The following RELN variants were observed in gnomAD, a reference collection of about 807,000 sequenced individuals.
RELN encodes the protein reelin.
Under a neutral mutation model 427.6 loss-of-function variants are expected in RELN, and 108 were observed. The ratio of observed to expected loss-of-function variants is 0.25; its 90% CI spans 0.22 to 0.30. RELN has a LOEUF of 0.30. Ranked by LOEUF, RELN falls within the 10% of genes least tolerant of loss-of-function variation. The pLI is 1.00. For missense variants in RELN, 3,715 were observed against 4,302.8 expected (o/e 0.86, Z 3.82); for synonymous variants, 1,524 against 1,513.4 (o/e 1.01, Z -0.16).
intron 16 of RELN, among the ~76,000 whole-genome samples, chr7:103,648,110 T>C (rs1832834836): frequency 6.6e-6 from 1 of 151,718 alleles, no homozygotes; most frequent in Non-Finnish European, 1.5e-5. Context: ...AGAAGAAAAC[T>C]GATATGGTTT....
At chr7:103,495,380 T>C (rs1046536976) in intron 57 of RELN, among the ~76,000 whole-genome samples, 1 of 152,078 alleles carries the variant, frequency 6.6e-6, no homozygotes, top group African/African-American at 2.4e-5. Context: ...CAGGCTAGTC[T>C]GGAGCTCCTG....
chr7:103,864,050 C>G (rs1192774704), intron 2 of RELN, among the ~76,000 whole-genome samples: 3 of 152,044 alleles, frequency 2.0e-5, no homozygotes, highest in African/African-American at 7.2e-5. Flanking sequence ...ACAGCAGATT[C>G]ACATCTTGCT....
At chr7:103,641,902 A>G (rs1241509265) in intron 16 of RELN, among the ~76,000 whole-genome samples, 2 of 152,166 alleles carry the variant, frequency 1.3e-5, no homozygotes, top group East Asian at 3.8e-4. Context: ...TCTAAGAGAT[A>G]GGGCACCCAT....
Position 103,682,979 on chromosome 7 carries a change from G to A in RELN, c.1144-718C>T, listed in dbSNP as rs532384979. 1.1e-4 allele frequency among the ~76,000 whole-genome samples: 17 copies of A among 152,136 alleles called. No individual in the cohort carries two copies. In the South Asian group the frequency reaches 3.3e-3, roughly 30 times the overall value. On this transcript the variant is annotated intron_variant, in intron 10 of 64. Transcript: ENST00000428762. ...AGAATAAAGGCAAGATCAAACTTTGGAGATAGTAAATGTTAGTTACTTTAA... is the reference window on the plus strand; with the variant it reads ...AGAATAAAGGCAAGATCAAACTTTGAAGATAGTAAATGTTAGTTACTTTAA...
chr7:103,726,106 A>G (rs1027364224), intron 7 of RELN, among the ~76,000 whole-genome samples: 1 of 152,238 alleles, frequency 6.6e-6, no homozygotes, highest in African/African-American at 2.4e-5. Context: ...ATTCAGTCAC[A>G]AAGTACCATG....
At chr7:103,622,426 T>C (rs1339338720) in intron 20 of RELN, among the ~76,000 whole-genome samples, 5 of 152,204 alleles carry the variant, frequency 3.3e-5, no homozygotes, top group African/African-American at 9.6e-5. Context: ...TACTGCTCCT[T>C]CTATTATCCT....
At chr7:103,604,830 T>C (rs193074150) in intron 22 of RELN, among the ~76,000 whole-genome samples, 282 of 113,354 alleles carry the variant, frequency 2.5e-3, no homozygotes, top group Admixed American at 6.8e-3. Flanking sequence ...AACCTATCTT[T>C]CTTTTTTTTT....
rs955068259 is a variant in RELN at position 103,610,637 on chromosome 7, G to A, written c.3008+58C>T. The A allele has an allele frequency of 8.0e-6, 7 of 872,224 alleles. No individual in the cohort carries two copies. The African/African-American group carries it at 8.2e-5, about 10-fold the overall frequency. 54.0% of individuals were successfully genotyped at this position (872,224 alleles called of 1,614,324 possible). A position where few individuals can be genotyped will look rare whatever the true frequency, so the allele number is the denominator to read the frequency against. ...TACTTGAATCAATAGAGACAGAATT[G>A]AATCAAAAGGGATAGTCAAAGTTAA... On this transcript the variant is annotated intron_variant, in intron 22 of 64. Transcript: ENST00000428762.
chr7:103,906,572 CTG>C (rs1795210133), intron 2 of RELN, among the ~76,000 whole-genome samples: 1 of 152,128 alleles, frequency 6.6e-6, no homozygotes, highest in Non-Finnish European at 1.5e-5. Flanking sequence ...CATGATTCCT[CTG>C]AGCCGTTATA....
chr7:103,566,085 C>CT (rs996823089), intron 33 of RELN, 139 bp downstream of exon 33: 29 of 751,238 alleles, frequency 3.9e-5, no homozygotes, highest in African/African-American at 5.3e-5. Flanking sequence ...CACAATAAAA[C>CT]TTTTTTTTCA....
chr7:103,567,883 C>T (rs1221935164), intron 31 of RELN, among the ~76,000 whole-genome samples: 1 of 151,802 alleles, frequency 6.6e-6, no homozygotes, highest in East Asian at 1.9e-4. Flanking sequence ...GCAACCTTTT[C>T]CTCCCCGGGC....
At position 103,535,404 on chromosome 7, in the gene RELN, A is replaced by G. The variant is rs755641666; in HGVS notation, c.7261T>C (p.Cys2421Arg). 1 of 1,614,000 alleles carries G rather than the reference A, an allele frequency of 6.2e-7. No individual in the cohort carries two copies. Among genetic ancestry groups the G allele is most frequent in the South Asian group, 1.1e-5 (1 of 91,086 alleles). Residue 2421 changes from cysteine to arginine, a missense_variant, in exon 46 of 65, where the codon TGC (cysteine) becomes CGC (arginine). Cys to Arg is a radical substitution (Grantham distance 180). Coordinates refer to ENST00000428762, the MANE Select transcript of RELN (RefSeq NM_005045.4). ...VRDCLPTNVE[C>R]SRYHLQRILV... ...ATCCGTTGCAGATGATAGCGACTGC[A>G]TTCCACATTGGTAGGCAGACAGTCC...
At chr7:103,687,860 C>A (rs1833795169) in intron 10 of RELN, among the ~76,000 whole-genome samples, 1 of 152,066 alleles carries the variant, frequency 6.6e-6, no homozygotes, top group Non-Finnish European at 1.5e-5. Flanking sequence ...TTAGTTGTTT[C>A]TGTGCTATTG....
At chr7:103,931,278 T>C (rs1795859082) in intron 1 of RELN, among the ~76,000 whole-genome samples, 1 of 152,188 alleles carries the variant, frequency 6.6e-6, no homozygotes, top group Non-Finnish European at 1.5e-5. Context: ...AGGCCTTTGT[T>C]CTCACCATCC....
At chr7:103,605,956 T>A (rs1831808863) in intron 22 of RELN, among the ~76,000 whole-genome samples, 1 of 152,200 alleles carries the variant, frequency 6.6e-6, no homozygotes, top group Non-Finnish European at 1.5e-5. Flanking sequence ...ATGGGACAGA[T>A]GCACCACCTC....
intron 46 of RELN, among the ~76,000 whole-genome samples, chr7:103,528,303 C>A (rs2117103974): frequency 6.6e-6 from 1 of 152,246 alleles, no homozygotes; most frequent in South Asian, 2.1e-4. Flanking sequence ...AAAACAAACA[C>A]ACATTGTATA....
chr7:103,847,044 T>G (rs1392573335), intron 2 of RELN, among the ~76,000 whole-genome samples: 1 of 152,126 alleles, frequency 6.6e-6, no homozygotes, highest in African/African-American at 2.4e-5. Context: ...AGAAATACCA[T>G]TTGACTCAGC....
At chr7:103,921,979 C>T (rs1795626651) in intron 1 of RELN, among the ~76,000 whole-genome samples, 1 of 152,184 alleles carries the variant, frequency 6.6e-6, no homozygotes, top group Non-Finnish European at 1.5e-5. Context: ...CCCCAGAGCT[C>T]ATTCACAGAC....
intron 2 of RELN, among the ~76,000 whole-genome samples, chr7:103,904,369 C>A (rs2116628011): frequency 6.6e-6 from 1 of 152,232 alleles, no homozygotes; most frequent in East Asian, 1.9e-4. Context: ...GGGTACATAT[C>A]CAGTAATGGG....
Sources: gnomAD v4.1 joint callset for allele counts (sites outside exome capture counted in the v4.1 genomes callset) on GRCh38, gnomAD v4.1.1 for gene constraint, MANE v1.5 for transcripts, NCBI Gene and HGNC (gene_info 2026-07-23, HGNC 2026-07-21) for gene names.